The following NEO1 variants were observed in gnomAD, a reference collection of about 807,000 sequenced individuals.
The protein encoded by NEO1 is neogenin 1.
In NEO1, 63 loss-of-function variants were observed where a neutral mutation model predicts 159.7. That is an observed-to-expected ratio of 0.39 (90% CI 0.32 to 0.49). The LOEUF is 0.49. Ranked by LOEUF, NEO1 falls within the 20% of genes least tolerant of loss-of-function variation. NEO1 has a pLI of 0.85. For synonymous variants in NEO1, 633 were observed against 662.0 expected (o/e 0.96, Z 0.67); for missense variants, 1,615 against 1,831.0 (o/e 0.88, Z 2.15).
intron 7 of NEO1, among the ~76,000 whole-genome samples, chr15:73,179,863 G>GTGTGTATATA (rs1555445543): frequency 6.8e-6 from 1 of 147,900 alleles, no homozygotes; most frequent in African/African-American, 2.5e-5. Context: ...TAAATAATAT[G>GTGTGTATATA]TATATATATA....
At chr15:73,279,445 T>C (rs1318061645) in intron 22 of NEO1, among the ~76,000 whole-genome samples, 1 of 147,410 alleles carries the variant, frequency 6.8e-6, no homozygotes, top group Non-Finnish European at 1.5e-5. Flanking sequence ...ACCTCCCGGG[T>C]TCAAGGGAGT....
In NEO1 at chr15:73,288,303, T is replaced by G. The variant is rs749543140; in HGVS notation, c.3411-10T>G. ...TACTTTTTAAAAGCTCCTCTGAACT[T>G]CGTGCCTAGGAAACGAGCTGCCTGC... On this transcript the variant is annotated splice_polypyrimidine_tract_variant and intron_variant, in intron 23 of 28. Coordinates refer to ENST00000261908, the MANE Select transcript of NEO1 (RefSeq NM_002499.4). 1 of 1,608,584 alleles carries G rather than the reference T, an allele frequency of 6.2e-7. No homozygotes were observed. The highest frequency in any genetic ancestry group is 1.7e-5 in the Admixed American group (1 of 59,898).
At chr15:73,091,672 TC>T (rs923629809) in intron 1 of NEO1, among the ~76,000 whole-genome samples, 2 of 151,728 alleles carry the variant, frequency 1.3e-5, no homozygotes, top group Non-Finnish European at 2.9e-5. Flanking sequence ...CAGGTGATCT[TC>T]CCACCACAGC....
intron 1 of NEO1, among the ~76,000 whole-genome samples, chr15:73,082,100 C>T (rs925672681): frequency 6.6e-6 from 1 of 152,048 alleles, no homozygotes; most frequent in African/African-American, 2.4e-5. Flanking sequence ...TCTCGAGCTC[C>T]TGACCTCAGG....
intron 1 of NEO1, among the ~76,000 whole-genome samples, chr15:73,101,295 T>C (rs1187074962): frequency 6.6e-6 from 1 of 152,266 alleles, no homozygotes; most frequent in East Asian, 1.9e-4. Context: ...ATTTGTAGTT[T>C]AATTCCATTG....
intron 14 of NEO1, among the ~76,000 whole-genome samples, chr15:73,259,663 T>C (rs1346426644): frequency 2.0e-5 from 3 of 152,202 alleles, no homozygotes; most frequent in Non-Finnish European, 4.4e-5. Flanking sequence ...CTCAGTTTAC[T>C]AATTTTTAAA....
At chr15:73,177,493 T>G (rs746229778) in intron 6 of NEO1, among the ~76,000 whole-genome samples, 2 of 152,126 alleles carry the variant, frequency 1.3e-5, no homozygotes, top group Non-Finnish European at 2.9e-5. Context: ...AAATCAATAT[T>G]TGGAAACTAG....
At chr15:73,096,913 A>G (rs1173794306) in intron 1 of NEO1, among the ~76,000 whole-genome samples, 1 of 152,096 alleles carries the variant, frequency 6.6e-6, no homozygotes, top group African/African-American at 2.4e-5. Flanking sequence ...TTGCTTGAGC[A>G]CAGGAGTTCA....
intron 1 of NEO1, among the ~76,000 whole-genome samples, chr15:73,116,296 A>T: frequency 6.6e-6 from 1 of 152,184 alleles, no homozygotes; most frequent in East Asian, 1.9e-4. Context: ...GTCATTTAAC[A>T]AGGCTTGTTT....
At chr15:73,131,619 C>T (rs1166736394) in intron 4 of NEO1, among the ~76,000 whole-genome samples, 1 of 152,200 alleles carries the variant, frequency 6.6e-6, no homozygotes, top group African/African-American at 2.4e-5. Flanking sequence ...CCTAATTGTT[C>T]TTCCTACTTG....
intron 5 of NEO1, among the ~76,000 whole-genome samples, chr15:73,140,676 T>A (rs1479284236): frequency 6.6e-6 from 1 of 152,198 alleles, no homozygotes; most frequent in Non-Finnish European, 1.5e-5. Context: ...CACAATAATG[T>A]TCTTACTGGG....
intron 1 of NEO1, among the ~76,000 whole-genome samples, chr15:73,077,685 A>G (rs975762347): frequency 4.6e-5 from 7 of 152,246 alleles, no homozygotes; most frequent in South Asian, 2.1e-4. Flanking sequence ...TTGAGCAGCT[A>G]TGTATGAGGC....
rs191265158 is a variant in NEO1, at chr15:73,206,504, A to G, written c.1291+28077A>G. 4.9e-4 allele frequency among the ~76,000 whole-genome samples: 74 copies of G among 152,330 alleles called. No homozygotes were observed. In the East Asian group the frequency reaches 0.014, roughly 28 times the overall value. On this transcript the variant is annotated intron_variant, in intron 7 of 28. Coordinates refer to ENST00000261908, the MANE Select transcript of NEO1 (RefSeq NM_002499.4). ...GGAAGGAGGTTTAAGGTTTTGTCCC[A>G]AGAAAAAAAGCTAGGGTAGCGTGTG...
At chr15:73,196,903 C>T (rs2036561377) in intron 7 of NEO1, among the ~76,000 whole-genome samples, 1 of 152,206 alleles carries the variant, frequency 6.6e-6, no homozygotes, top group Admixed American at 6.5e-5. Context: ...TTTTTACGAT[C>T]TCATGCGTGG....
At chr15:73,234,709 C>T (rs190024591) in intron 7 of NEO1, among the ~76,000 whole-genome samples, 2 of 152,186 alleles carry the variant, frequency 1.3e-5, no homozygotes, top group African/African-American at 4.8e-5. Flanking sequence ...ACAATCTGCA[C>T]TCTTAAAAGC....
At chr15:73,164,210 GT>G (rs35133349) in intron 5 of NEO1, among the ~76,000 whole-genome samples, 11,995 of 125,196 alleles carry the variant, frequency 0.096, 535 homozygotes, top group African/African-American at 0.11. Flanking sequence ...ATTATTATTG[GT>G]TTTTTTTTTT....
At chr15:73,199,483 A>G (rs1596323730) in intron 7 of NEO1, among the ~76,000 whole-genome samples, 2 of 152,040 alleles carry the variant, frequency 1.3e-5, no homozygotes, top group South Asian at 4.2e-4. Context: ...ATTTACATAG[A>G]CTATTTTGTA....
chr15:73,118,554 T>G (rs1368165014), intron 2 of NEO1, among the ~76,000 whole-genome samples: 2 of 150,086 alleles, frequency 1.3e-5, no homozygotes, highest in African/African-American at 4.9e-5. Context: ...GCATCCCCAC[T>G]GCCTGTTAAT....
rs114351151 is a variant in NEO1 at position 73,112,364 on chromosome 15, A to G, written c.131-4176A>G. ...TAACCTTTTAAATTCTTTACCTGTTATATGTGACACAATTTTCCCCCCAAT... is the reference window on the plus strand; with the variant it reads ...TAACCTTTTAAATTCTTTACCTGTTGTATGTGACACAATTTTCCCCCCAAT... On this transcript the variant is annotated intron_variant, in intron 1 of 28. Transcript: ENST00000261908. Among the ~76,000 whole-genome samples the G allele has an allele frequency of 3.1e-3, 474 of 152,178 alleles. 3 individuals are homozygous for G. The highest frequency in any genetic ancestry group is 0.013 in the East Asian group (68 of 5,176).
Sources: allele counts gnomAD v4.1 joint callset (sites outside exome capture counted in the v4.1 genomes callset), GRCh38; gene constraint gnomAD v4.1.1; transcripts MANE v1.5; gene names NCBI Gene and HGNC (gene_info 2026-07-23, HGNC 2026-07-21).